The following TFG variants were observed in gnomAD, a reference collection of about 807,000 sequenced individuals.
TFG encodes the protein protein TFG.
A neutral mutation model predicts 51.4 loss-of-function variants in TFG; 22 were observed. The ratio of observed to expected loss-of-function variants is 0.43; its 90% CI spans 0.31 to 0.61. The LOEUF is 0.61. TFG is among the 20% of genes least tolerant of loss of function. TFG has a pLI of 0.12. For synonymous variants in TFG, 187 were observed against 165.6 expected (o/e 1.13, Z -0.99); for missense variants, 419 against 487.7 (o/e 0.86, Z 1.33).
intron 2 of TFG, 64 bp downstream of exon 2, chr3:100,713,933 C>T (rs1293063234): frequency 2.9e-6 from 3 of 1,037,618 alleles, no homozygotes; most frequent in Admixed American, 2.8e-5. Context: ...AAGACAGAGC[C>T]TCTGTTGCCC....
chr3:100,744,758 T>C (rs2095130370), intron 6 of TFG, 75 bp from the exon 7 acceptor site: 4 of 903,868 alleles, frequency 4.4e-6, no homozygotes, highest in Non-Finnish European at 7.3e-6. Flanking sequence ...GGAATGTATA[T>C]GTATCTTAAA....
chr3:100,732,570 G>T lies in TFG; in HGVS notation c.478G>T (p.Val160Phe). Residue 160 changes from valine to phenylalanine, a missense_variant, in exon 5 of 8, where the codon GTT (valine) becomes TTT (phenylalanine). Physicochemically the swap from Val to Phe is conservative, Grantham distance 50. Around this residue, in one of 3 missense-constraint regions of TFG, gnomAD observed 391 missense variants for 434.4 expected, o/e 0.90. Transcript: ENST00000240851. ...SDSSGKQSTQ[V>F]MAASMSAFDP... is the part of the protein sequence containing the mutation. ...TTCTTCTGGAAAACAGTCTACTCAG[G>T]TTATGGCAGCAAGTATGTCTGCTTT... 5 of 1,612,926 alleles carry T rather than the reference G, an allele frequency of 3.1e-6. No homozygotes were observed. The highest frequency in any genetic ancestry group is 4.2e-6 in the Non-Finnish European group (5 of 1,179,370).
intron 6 of TFG, among the ~76,000 whole-genome samples, chr3:100,737,901 T>C (rs938174777): frequency 2.6e-5 from 4 of 151,886 alleles, no homozygotes; most frequent in Non-Finnish European, 5.9e-5. Flanking sequence ...AAAAAAAGAT[T>C]TAAAAAAATT....
chr3:100,736,512 C>A, intron 5 of TFG, 64 bp from the exon 6 acceptor site: 1 of 1,573,076 alleles, frequency 6.4e-7, no homozygotes, highest in South Asian at 1.1e-5. Flanking sequence ...CAAACTTATT[C>A]CTTGAGCTTG....
chr3:100,746,165 A>C (rs1050678801), intron 7 of TFG, among the ~76,000 whole-genome samples: 1 of 152,290 alleles, frequency 6.6e-6, no homozygotes, highest in South Asian at 2.1e-4. Context: ...AGTGTTACAA[A>C]CTATGTTATT....
intron 5 of TFG, among the ~76,000 whole-genome samples, chr3:100,733,620 A>T (rs1559716979): frequency 1.3e-5 from 2 of 150,360 alleles, no homozygotes; most frequent in Admixed American, 6.6e-5. Flanking sequence ...CCCCACACAC[A>T]CTCCCCCCAA....
At chr3:100,728,042 C>T (rs978363661) in intron 3 of TFG, among the ~76,000 whole-genome samples, 2 of 152,108 alleles carry the variant, frequency 1.3e-5, no homozygotes. Flanking sequence ...CTGTATTGCT[C>T]AGGTTTTTCT....
intron 1 of TFG, chr3:100,710,914 A>C (rs1334142324): frequency 1.3e-5 from 2 of 152,226 alleles, no homozygotes; most frequent in African/African-American, 4.8e-5. Flanking sequence ...TTCCCCTTGA[A>C]GGGAAAGTTT....
chr3:100,722,811 A>G (rs1559710181), intron 3 of TFG, among the ~76,000 whole-genome samples: 2 of 152,268 alleles, frequency 1.3e-5, no homozygotes, highest in Non-Finnish European at 2.9e-5. Context: ...AAATACTTTG[A>G]AAGACTGAGA....
At position 100,723,794 on chromosome 3, in the gene TFG, G is replaced by A. The variant is rs529294281; in HGVS notation, c.268+3736G>A. Among the ~76,000 whole-genome samples, 35 of 151,462 alleles carry A rather than the reference G, an allele frequency of 2.3e-4. No homozygotes were observed. In the East Asian group the frequency reaches 2.3e-3, roughly 10 times the overall value. On this transcript the variant is annotated intron_variant, in intron 3 of 7. Transcript: ENST00000240851. ...GATAAATCAAGCAGGCTCAAACAGCGTTGGTCTTGTACATCTAGCAGTTAG... is the reference window on the plus strand; with the variant it reads ...GATAAATCAAGCAGGCTCAAACAGCATTGGTCTTGTACATCTAGCAGTTAG...
In TFG at chr3:100,737,893, A is replaced by G. The variant is rs1429754772; in HGVS notation, c.721+1177A>G. 1.3e-5 allele frequency among the ~76,000 whole-genome samples: 2 copies of G among 152,122 alleles called. 1 individual carries two copies. The highest frequency in any genetic ancestry group is 1.3e-4 in the Admixed American group (2 of 15,262). ...GTGAGACCCTGTCCCTACAAAATAA[A>G]AAAAGATTTAAAAAAATTAGCCAGG... is the stretch of plus-strand genomic sequence containing the variant. On this transcript the variant is annotated intron_variant, in intron 6 of 7. Coordinates refer to ENST00000240851, the MANE Select transcript of TFG (RefSeq NM_006070.6).
intron 2 of TFG, among the ~76,000 whole-genome samples, chr3:100,719,753 T>C (rs2095055626): frequency 6.6e-6 from 1 of 152,208 alleles, no homozygotes; most frequent in Admixed American, 6.5e-5. Context: ...CATGTGGATA[T>C]GTGTAAATAC....
At chr3:100,729,500 G>A (rs1462375981) in intron 4 of TFG, among the ~76,000 whole-genome samples, 3 of 152,090 alleles carry the variant, frequency 2.0e-5, no homozygotes, top group African/African-American at 4.8e-5. Context: ...TGAACTTTAA[G>A]TATGTGTTAA....
chr3:100,735,245 A>G (rs2095103286), intron 5 of TFG, among the ~76,000 whole-genome samples: 1 of 152,170 alleles, frequency 6.6e-6, no homozygotes, highest in South Asian at 2.1e-4. Context: ...TCTTATTAAT[A>G]CTTGGACTGT....
At chr3:100,744,757 A>G in intron 6 of TFG, 76 bp from the exon 7 acceptor site, 1 of 888,172 alleles carries the variant, frequency 1.1e-6, no homozygotes, top group Non-Finnish European at 1.9e-6. Flanking sequence ...GGGAATGTAT[A>G]TGTATCTTAA....
chr3:100,743,717 A>AATAGAGTG (rs2095127694), intron 6 of TFG: 2 of 152,172 alleles, frequency 1.3e-5, no homozygotes, highest in African/African-American at 4.8e-5. Context: ...CAGCTGGTAT[A>AATAGAGTG]ATAGAGTGGG....
At chr3:100,745,646 A>G (rs1439778094) in intron 7 of TFG, among the ~76,000 whole-genome samples, 1 of 152,230 alleles carries the variant, frequency 6.6e-6, no homozygotes, top group Non-Finnish European at 1.5e-5. Context: ...TTTTACAGCC[A>G]AAGATTGAAG....
chr3:100,728,652 A>G (rs1576366238), intron 3 of TFG, 60 bp from the exon 4 acceptor site: 2 of 1,282,460 alleles, frequency 1.6e-6, no homozygotes, highest in South Asian at 1.9e-5. Flanking sequence ...CTTGTTGCAT[A>G]TTATTAGTAT....
rs2149050932 is a variant in TFG at position 100,709,496 on chromosome 3, T to A, written c.-269T>A. On this transcript the variant is annotated 5_prime_UTR_variant, in exon 1 of 8. Transcript: ENST00000240851. ...TTTTTTTTCTTGCTCCCGCCTCTGT[T>A]CTTCCCCCACCTGCCACGTACAGAG... 6.6e-6 allele frequency: 1 copy of A among 152,522 alleles called. No individual in the cohort carries two copies. Among genetic ancestry groups the A allele is most frequent in the South Asian group, 2.1e-4 (1 of 4,824 alleles). 9.4% of individuals were successfully genotyped at this position (152,522 alleles called of 1,614,324 possible). A position where few individuals can be genotyped will look rare whatever the true frequency, so the allele number is the denominator to read the frequency against.
Sources: allele counts gnomAD v4.1 joint callset (sites outside exome capture counted in the v4.1 genomes callset), GRCh38; gene constraint gnomAD v4.1.1; regional missense constraint gnomAD v4.1.1; transcripts MANE v1.5; gene names NCBI Gene and HGNC (gene_info 2026-07-23, HGNC 2026-07-21).